The following ETS2 variants were observed in gnomAD, a reference collection of about 807,000 sequenced individuals.
The protein encoded by ETS2 is ETS proto-oncogene 2, transcription factor.
ETS2 carries 19 observed loss-of-function variants against 54.9 expected under a neutral mutation model. The observed-to-expected ratio is 0.35, with a 90% CI of 0.24 to 0.51. The LOEUF is 0.51. Ranked by LOEUF, ETS2 falls within the 20% of genes least tolerant of loss-of-function variation. ETS2 has a pLI of 0.97. For missense variants in ETS2, 417 were observed against 593.0 expected, an observed-to-expected ratio of 0.70 and a Z score of 3.08; for synonymous variants, 219 against 229.3, an observed-to-expected ratio of 0.95 and a Z score of 0.41.
chr21:38,823,064 T>C lies in ETS2; in HGVS notation c.*175T>C. On this transcript the variant is annotated 3_prime_UTR_variant, in exon 10 of 10. Transcript: ENST00000360938. ...ACGCCTCTTGACCAGGCTGCCTCCC[T>C]TGTGGCAGCAACGGCACAGCTAATT... 2 of 467,412 alleles carry C rather than the reference T, an allele frequency of 4.3e-6. No individual in the cohort carries two copies. Among genetic ancestry groups the C allele is most frequent in the Non-Finnish European group, 7.4e-6 (2 of 269,350 alleles). 29.0% of individuals were successfully genotyped at this position (467,412 alleles called of 1,614,324 possible).
At chr21:38,818,686 A>C in intron 7 of ETS2, 40 bp downstream of exon 7, 1 of 1,610,358 alleles carries the variant, frequency 6.2e-7, no homozygotes, top group Non-Finnish European at 8.5e-7. Context: ...TGTTGCTTTG[A>C]TTCTGAGAAC....
At position 38,814,189 on chromosome 21, in the gene ETS2, C is replaced by CA; in HGVS notation, c.185-79dup. 7.0e-7 allele frequency: 1 copy of CA among 1,427,942 alleles called. No individual in the cohort carries two copies. The highest frequency in any genetic ancestry group is 9.7e-7 in the Non-Finnish European group (1 of 1,035,972). 88.5% of individuals were successfully genotyped at this position (1,427,942 alleles called of 1,614,324 possible). On this transcript the variant is annotated intron_variant, in intron 3 of 9. Coordinates refer to ENST00000360938, the MANE Select transcript of ETS2 (RefSeq NM_005239.6). This position sits in a 1 kb window ranked among gnomAD's most constrained non-coding sequence, Gnocchi z 4.2. The stretch of plus-strand genomic sequence containing the variant: ...GTTTGAGATCAAAATTGTTCTTTTC[C>CA]AAAAACTAAGATGTCTCTCCTAAAT...
At chr21:38,807,265 G>C (rs994804410) in intron 1 of ETS2, among the ~76,000 whole-genome samples, 2 of 152,128 alleles carry the variant, frequency 1.3e-5, no homozygotes, top group Non-Finnish European at 2.9e-5. Context: ...GTGTTACAAG[G>C]TTGTGTTGTT....
At chr21:38,817,140 A>G (rs756686342) in intron 6 of ETS2, 49 bp downstream of exon 6, 2 of 1,246,684 alleles carry the variant, frequency 1.6e-6, no homozygotes, top group Non-Finnish European at 2.4e-6. Context: ...CAGTCTTCCC[A>G]GTAGACTTGG....
chr21:38,809,252 G>T (rs894195995), intron 1 of ETS2, among the ~76,000 whole-genome samples: 1 of 152,194 alleles, frequency 6.6e-6, no homozygotes, highest in Non-Finnish European at 1.5e-5. Flanking sequence ...GCCACTGGTT[G>T]AGAGCTCTGT....
At chr21:38,816,738 A>G (rs774398362) in intron 5 of ETS2, among the ~76,000 whole-genome samples, 1 of 152,252 alleles carries the variant, frequency 6.6e-6, no homozygotes, top group Non-Finnish European at 1.5e-5. Context: ...TCAATACACC[A>G]TCTGGACCTT....
At chr21:38,819,203 CTCA>C (rs1232073179) in intron 7 of ETS2, among the ~76,000 whole-genome samples, 2 of 152,210 alleles carry the variant, frequency 1.3e-5, no homozygotes, top group Non-Finnish European at 2.9e-5. Context: ...TTGTCTTTTA[CTCA>C]TCATGTCTGG....
intron 6 of ETS2, 53 bp downstream of exon 6, chr21:38,817,144 G>GAGAGATTCCAAGTCT: frequency 1.6e-6 from 2 of 1,214,668 alleles, no homozygotes; most frequent in Non-Finnish European, 2.4e-6. Context: ...CTTCCCAGTA[G>GAGAGATTCCAAGTCT]ACTTGGAATC....
rs1301256699 is a variant in ETS2 at position 38,806,035 on chromosome 21, C to T, written c.-86C>T. 8.2e-7 allele frequency: 1 copy of T among 1,219,726 alleles called. No individual in the cohort carries two copies. Among genetic ancestry groups the T allele is most frequent in the Non-Finnish European group, 1.0e-6 (1 of 958,934 alleles). The allele number at this position is 1,219,726 out of a possible 1,614,324, so 75.6% of individuals were successfully genotyped here. A position where few individuals can be genotyped will look rare whatever the true frequency, so the allele number is the denominator to read the frequency against. On this transcript the variant is annotated 5_prime_UTR_variant, in exon 1 of 10. Coordinates refer to ENST00000360938, the MANE Select transcript of ETS2 (RefSeq NM_005239.6). This position sits in a 1 kb window ranked among gnomAD's most constrained non-coding sequence, Gnocchi z 4.3. ...CCTGATCGTCTCTGGCCGGCGCCCT[C>T]GCCCTCGCCCGGCGCGCACCGAGCA...
chr21:38,815,175 AGTGT>A (rs3065531), intron 5 of ETS2, among the ~76,000 whole-genome samples, 194 bp downstream of exon 5: 68 of 149,908 alleles, frequency 4.5e-4, no homozygotes, highest in African/African-American at 8.4e-4. Flanking sequence ...ACTTTATGTG[AGTGT>A]GTGTGTGTGT....
rs926244027 is a variant in ETS2 at position 38,814,468 on chromosome 21, T to G, written c.304+76T>G. The G allele has an allele frequency of 9.6e-6, 15 of 1,565,222 alleles. No individual in the cohort carries two copies. The African/African-American group carries it at 1.6e-4, about 17-fold the overall frequency. On this transcript the variant is annotated intron_variant, in intron 4 of 9. Transcript: ENST00000360938. This position sits in a 1 kb window ranked among gnomAD's most constrained non-coding sequence, Gnocchi z 4.2. ...TGCAGTTGTTTGATCTTGACTTGTTTATTAAGCTTTTGCTTGGGGTATTCT... is the reference window on the plus strand; with the variant it reads ...TGCAGTTGTTTGATCTTGACTTGTTGATTAAGCTTTTGCTTGGGGTATTCT...
rs376609043 is a variant in ETS2, at chr21:38,819,456, A to G, written c.812-47A>G. The G allele has an allele frequency of 5.6e-6, 9 of 1,598,434 alleles. No individual in the cohort carries two copies. In the Admixed American group the frequency reaches 1.0e-4, roughly 18 times the overall value. On this transcript the variant is annotated intron_variant, in intron 7 of 9. Coordinates refer to ENST00000360938, the MANE Select transcript of ETS2 (RefSeq NM_005239.6). ...GATGCTATGGTCGTGCCCAAGACCA[A>G]CTGTGTCCTGGAGGAATCAAAGTAT...
chr21:38,822,946 T>G lies in ETS2; in HGVS notation c.*57T>G. On this transcript the variant is annotated 3_prime_UTR_variant, in exon 10 of 10. Coordinates refer to ENST00000360938, the MANE Select transcript of ETS2 (RefSeq NM_005239.6). ...GCTCGTGGACTGAGTGGGAAGCCCA[T>G]CCTGACCAGCTGCTCCGAGGACCCA... The G allele has an allele frequency of 7.4e-7, 1 of 1,357,450 alleles. No homozygotes were observed. The highest frequency in any genetic ancestry group is 2.5e-5 in the East Asian group (1 of 39,654). 84.1% of individuals were successfully genotyped at this position (1,357,450 alleles called of 1,614,324 possible).
At chr21:38,805,506 C>T (rs1230931468), upstream of ETS2, 2 of 1,287,806 alleles carry the variant, frequency 1.6e-6, no homozygotes, top group African/African-American at 3.0e-5. This position sits in a 1 kb window ranked among gnomAD's most constrained non-coding sequence, Gnocchi z 5.2. Flanking sequence ...AGTCTCCGCC[C>T]GGCTCCCAGG....
At chr21:38,819,164 G>A (rs954300072) in intron 7 of ETS2, among the ~76,000 whole-genome samples, 4 of 152,162 alleles carry the variant, frequency 2.6e-5, no homozygotes, top group African/African-American at 9.7e-5. Flanking sequence ...TTACATAGAT[G>A]GAATCATAAG....
chr21:38,817,459 T>C (rs1011382279), intron 6 of ETS2, among the ~76,000 whole-genome samples: 9 of 152,260 alleles, frequency 5.9e-5, no homozygotes, highest in Admixed American at 2.6e-4. Context: ...ACTAGAACTT[T>C]CGCAGTTGCT....
In ETS2 at chr21:38,824,570, G is replaced by A. The variant is rs1483609538; in HGVS notation, c.*1681G>A. On this transcript the variant is annotated 3_prime_UTR_variant, in exon 10 of 10. Transcript: ENST00000360938. ...GAGGAATCGGGTGGCCGGGCAAGCT[G>A]GGAAGAGCAAAGCCAGAGCTGCGCT... 1 of 152,276 alleles carries A rather than the reference G, an allele frequency of 6.6e-6. No individual in the cohort carries two copies. Among genetic ancestry groups the A allele is most frequent in the Non-Finnish European group, 1.5e-5 (1 of 68,064 alleles). The allele number at this position is 152,276 out of a possible 1,614,324, so 9.4% of individuals were successfully genotyped here. A position where few individuals can be genotyped will look rare whatever the true frequency, so the allele number is the denominator to read the frequency against.
chr21:38,814,375 G>T lies in ETS2; in HGVS notation c.287G>T (p.Arg96Leu), dbSNP rs535308565. Residue 96 changes from arginine (R) to leucine (L), a missense_variant, in exon 4 of 10, where the codon CGC (arginine) becomes CTC (leucine). By Grantham distance (102) the Arg-to-Leu change is moderately radical. Transcript: ENST00000360938. This position sits in a 1 kb window ranked among gnomAD's most constrained non-coding sequence, Gnocchi z 4.2. The part of the protein sequence containing the change: ...TFSGFKKEQR[R>L]LGIPKNPWLW... ...AGTGGCTTCAAAAAGGAACAGCGGC[G>T]CCTGGGCATTCCAAAGAGTAAGTAC... 2 of 1,614,128 alleles carry T rather than the reference G, an allele frequency of 1.2e-6. No individual in the cohort carries two copies. The highest frequency in any genetic ancestry group is 1.3e-5 in the African/African-American group (1 of 75,058).
intron 2 of ETS2, among the ~76,000 whole-genome samples, chr21:38,810,686 T>C (rs1455525012): frequency 6.6e-6 from 1 of 152,230 alleles, no homozygotes; most frequent in Admixed American, 6.5e-5. Context: ...GAACATTCTT[T>C]AGTAGCACAA....
Sources: gnomAD v4.1 joint callset for allele counts (sites outside exome capture counted in the v4.1 genomes callset) on GRCh38, gnomAD v4.1.1 for gene constraint, Gnocchi (gnomAD v3.1) non-coding constraint, MANE v1.5 for transcripts, NCBI Gene and HGNC (gene_info 2026-07-23, HGNC 2026-07-21) for gene names.